Variants in SENP1 observed in about 807,000 individuals in gnomAD.
SENP1 encodes the protein sentrin-specific protease 1.
Under a neutral mutation model 93.0 loss-of-function variants are expected in SENP1, and 21 were observed. The observed-to-expected ratio is 0.23, with a 90% CI of 0.16 to 0.33. The LOEUF is 0.33. Among genes scored for constraint, SENP1 ranks in the 10% least tolerant of loss-of-function variants. The probability of loss-of-function intolerance (pLI) is 1.00; values close to 1 mark genes in which losing one functional copy is unlikely to be tolerated. For synonymous variants in SENP1, 256 were observed against 259.6 expected, an observed-to-expected ratio of 0.99 and a Z score of 0.13; for missense variants, 591 against 758.7, an observed-to-expected ratio of 0.78 and a Z score of 2.60.
chr12:48,061,416 T>C (rs551097003), intron 13 of SENP1, among the ~76,000 whole-genome samples: 63 of 152,308 alleles, frequency 4.1e-4, no homozygotes, highest in Admixed American at 2.1e-3. Context: ...AAGTTTTGTA[T>C]TCTTTTGAAG....
In SENP1 at chr12:48,098,013, A is replaced by G; in HGVS notation, c.116T>C (p.Leu39Pro). 1 of 1,613,792 alleles carries G rather than the reference A, an allele frequency of 6.2e-7. No individual in the cohort carries two copies. Among genetic ancestry groups the G allele is most frequent in the Non-Finnish European group, 8.5e-7 (1 of 1,179,764 alleles). The change falls in exon 3 of 18, where the codon CTT becomes CCT. Residue 39 changes from leucine (L) to proline (P), a missense_variant. Leu to Pro is a moderately conservative substitution (Grantham distance 98). This residue lies in a region of SENP1 where 214 missense variants were observed against 243.4 expected (regional missense o/e 0.88). Transcript: ENST00000549518. ...CCTAACCTGCTGGTCAGAAAGCGAA[A>G]GCTGGTCCTCTGGAAAACCTGTTTG... ...LPQTGFPEDQ[L>P]SLSDQQILSS...
intron 17 of SENP1, among the ~76,000 whole-genome samples, 196 bp downstream of exon 17, chr12:48,046,160 G>C (rs1409604303): frequency 6.6e-6 from 1 of 152,174 alleles, no homozygotes; most frequent in East Asian, 1.9e-4. Context: ...TGGTAACCCA[G>C]GACGTGGCTT....
chr12:48,047,710 G>C (rs1263699438), intron 15 of SENP1, among the ~76,000 whole-genome samples: 1 of 152,118 alleles, frequency 6.6e-6, no homozygotes, highest in Non-Finnish European at 1.5e-5. Flanking sequence ...TGTGGGCCTT[G>C]GTCTCTTCAT....
chr12:48,098,079 A>G lies in SENP1; in HGVS notation c.50T>C (p.Leu17Ser). ...TTTGAATACGGAGTTGTGGTTCACT[A>G]AAGTCACTTCTCCAGCATCCATCCT... ...RMRMDAGEVT[L>S]VNHNSVFKTH... Residue 17 changes from leucine to serine, a missense_variant, in exon 3 of 18, where the codon TTA becomes TCA. Transcript: ENST00000549518. 1 of 1,613,604 alleles carries G rather than the reference A, an allele frequency of 6.2e-7. No homozygotes were observed. Among genetic ancestry groups the G allele is most frequent in the South Asian group, 1.1e-5 (1 of 91,000 alleles).
chr12:48,087,666 A>G (rs1944971834), intron 5 of SENP1, among the ~76,000 whole-genome samples: 1 of 152,204 alleles, frequency 6.6e-6, no homozygotes. Context: ...GATTTCTACA[A>G]TGTGAGTGTA....
intron 16 of SENP1, 91 bp from the exon 17 acceptor site, chr12:48,046,542 G>C (rs1753825718): frequency 2.1e-6 from 2 of 943,954 alleles, no homozygotes; most frequent in African/African-American, 3.3e-5. Flanking sequence ...AAATTGTACA[G>C]GTTTCTCTAA....
intron 15 of SENP1, 108 bp downstream of exon 15, chr12:48,047,893 G>T: frequency 2.8e-6 from 2 of 704,682 alleles, no homozygotes; most frequent in Non-Finnish European, 4.9e-6. Flanking sequence ...TTAATATGAA[G>T]ATTTTATCAA....
intron 13 of SENP1, among the ~76,000 whole-genome samples, chr12:48,051,819 C>G (rs1941841499): frequency 6.6e-6 from 1 of 150,688 alleles, no homozygotes; most frequent in South Asian, 2.2e-4. Flanking sequence ...TTAGCACCAG[C>G]AGATCCTAAA....
chr12:48,099,948 T>C (rs1476608), intron 2 of SENP1, among the ~76,000 whole-genome samples: 34,537 of 152,106 alleles, frequency 0.23, 4,586 homozygotes, highest in East Asian at 0.55. Context: ...TTTGTTACTA[T>C]AGAAGAGCTA....
intron 4 of SENP1, among the ~76,000 whole-genome samples, chr12:48,089,921 A>T: frequency 6.6e-6 from 1 of 152,238 alleles, no homozygotes; most frequent in South Asian, 2.1e-4. Context: ...ATGCTATTAA[A>T]AGTATTTAAT....
chr12:48,085,484 G>A, intron 5 of SENP1: 1 of 588,190 alleles, frequency 1.7e-6, no homozygotes, highest in Non-Finnish European at 2.9e-6. Context: ...CCTCTCCCCA[G>A]GCTTGCCATC....
Position 48,083,581 on chromosome 12 carries a change from T to C in SENP1, c.552+10A>G, listed in dbSNP as rs1280113283. On this transcript the variant is annotated intron_variant, in intron 6 of 17. Transcript: ENST00000549518. ...AACTTTTAGTAGCTTTTGTCACACG[T>C]TTTCCTTACCTCTTCTGCTGTACTA... 12 of 1,610,580 alleles carry C rather than the reference T, an allele frequency of 7.5e-6. No homozygotes were observed. Among genetic ancestry groups the C allele is most frequent in the Non-Finnish European group, 1.0e-5 (12 of 1,178,558 alleles).
At position 48,101,458 on chromosome 12, in the gene SENP1, G is replaced by C. The variant is rs142781911; in HGVS notation, c.4+11C>G. 9.4e-6 allele frequency: 15 copies of C among 1,596,960 alleles called. No homozygotes were observed. The highest frequency in any genetic ancestry group is 1.3e-5 in the Non-Finnish European group (15 of 1,172,050). ...AGTAGCTAAAAGGATTCAACAGCTA[G>C]TTAGTCTTACCCATTTCAAGTCTTT... is the stretch of plus-strand genomic sequence containing the variant. On this transcript the variant is annotated intron_variant, in intron 2 of 17. Transcript: ENST00000549518.
intron 13 of SENP1, among the ~76,000 whole-genome samples, chr12:48,060,236 T>C (rs1030548905): frequency 3.3e-5 from 5 of 152,266 alleles, no homozygotes; most frequent in African/African-American, 1.2e-4. Flanking sequence ...AGGGTAAATC[T>C]TGTTTCCTTT....
At chr12:48,046,521 C>A in intron 16 of SENP1, 70 bp from the exon 17 acceptor site, 5 of 1,079,178 alleles carry the variant, frequency 4.6e-6, no homozygotes, top group South Asian at 1.3e-5. Flanking sequence ...AAAATAAGAA[C>A]CAAAAGATAT....
chr12:48,046,240 A>C, intron 17 of SENP1, 116 bp downstream of exon 17: 7 of 660,826 alleles, frequency 1.1e-5, no homozygotes, highest in Non-Finnish European at 1.4e-5. Flanking sequence ...CATGGGCTGA[A>C]GCATGCTAAA....
intron 4 of SENP1, among the ~76,000 whole-genome samples, chr12:48,089,634 G>C (rs934485878): frequency 2.0e-5 from 3 of 152,136 alleles, no homozygotes; most frequent in African/African-American, 7.2e-5. Flanking sequence ...TCTAACTTGT[G>C]GATTACAATC....
At chr12:48,092,131 A>G (rs1199041193) in intron 4 of SENP1, among the ~76,000 whole-genome samples, 1 of 152,212 alleles carries the variant, frequency 6.6e-6, no homozygotes, top group Non-Finnish European at 1.5e-5. Flanking sequence ...GAAGTTCCAG[A>G]TCCTAGATCC....
rs1052153118 is a variant in SENP1 at position 48,089,353 on chromosome 12, T to A, written c.221-393A>T. 1.8e-5 allele frequency: 23 copies of A among 1,313,472 alleles called. No individual in the cohort carries two copies. In the Middle Eastern group the frequency reaches 6.7e-4, roughly 38 times the overall value. The allele number at this position is 1,313,472 out of a possible 1,614,324, so 81.4% of individuals were successfully genotyped here. A position where few individuals can be genotyped will look rare whatever the true frequency, so the allele number is the denominator to read the frequency against. ...GGTGGGGGGCCAGTGAGAATTGTAA[T>A]TCAAATGAACAACAGTTATTGATTA... On this transcript the variant is annotated intron_variant, in intron 4 of 17. Transcript: ENST00000549518.
Sources: allele counts gnomAD v4.1 joint callset (sites outside exome capture counted in the v4.1 genomes callset), GRCh38; gene constraint gnomAD v4.1.1; regional missense constraint gnomAD v4.1.1; transcripts MANE v1.5; gene names NCBI Gene and HGNC (gene_info 2026-07-23, HGNC 2026-07-21).